Variants in HNRNPU observed in about 807,000 individuals in gnomAD.
HNRNPU encodes HNRNPU antisense RNA 1.
A neutral mutation model predicts 94.7 loss-of-function variants in HNRNPU; 5 were observed. The observed-to-expected ratio is 0.05, with a 90% CI of 0.03 to 0.11. The LOEUF is 0.11. Among genes scored for constraint, HNRNPU ranks in the 10% least tolerant of loss-of-function variants. HNRNPU has a pLI of 1.00. For synonymous variants in HNRNPU, 434 were observed against 381.6 expected, an observed-to-expected ratio of 1.14 and a Z score of -1.60; for missense variants, 710 against 1,049.2, an observed-to-expected ratio of 0.68 and a Z score of 4.47.
At chr1:244,855,267 G>T in intron 12 of HNRNPU, 157 bp downstream of exon 12, 1 of 804,316 alleles carries the variant, frequency 1.2e-6, no homozygotes, top group Non-Finnish European at 2.0e-6. Context: ...AAACTCAAAA[G>T]TAAGTAGACT....
intron 8 of HNRNPU, 156 bp downstream of exon 8, chr1:244,857,442 T>C (rs1680709519): frequency 1.4e-6 from 1 of 717,260 alleles, no homozygotes; most frequent in South Asian, 2.0e-5. Flanking sequence ...GAACGGGGCT[T>C]CGCCATGTTG....
intron 3 of HNRNPU, 94 bp from the exon 4 acceptor site, chr1:244,860,568 C>T: frequency 1.1e-6 from 1 of 913,402 alleles, no homozygotes; most frequent in Non-Finnish European, 1.7e-6. Context: ...TTTGCATGTA[C>T]TTCTTAATGC....
chr1:244,854,707 GTTAGT>G (rs1330637827), intron 13 of HNRNPU: 1 of 551,150 alleles, frequency 1.8e-6, no homozygotes, highest in Non-Finnish European at 3.2e-6. Context: ...TCATGACTTT[GTTAGT>G]TTACACAATT....
Position 244,862,625 on chromosome 1 carries a change from T to C in HNRNPU, c.797A>G (p.Tyr266Cys). 6.2e-7 allele frequency: 1 copy of C among 1,612,568 alleles called. No homozygotes were observed. Among genetic ancestry groups the C allele is most frequent in the Non-Finnish European group, 8.5e-7 (1 of 1,178,566 alleles). ...GYFEYIEENKYSRAKSPQPPV... is the reference protein window; with the variant it reads ...GYFEYIEENKCSRAKSPQPPV... ...CTAGGTGAGCATCCTATACCTGCTATACTTGTTCTCTTCAATGTACTCAAA... is the reference window on the plus strand; with the variant it reads ...CTAGGTGAGCATCCTATACCTGCTACACTTGTTCTCTTCAATGTACTCAAA... Residue 266 changes from tyrosine (Y) to cysteine (C), a missense_variant, in exon 2 of 14, where the codon TAT becomes TGT. Around this residue, in one of 8 missense-constraint regions of HNRNPU, gnomAD observed 13 missense variants for 45.3 expected, o/e 0.29. Transcript: ENST00000640218.
chr1:244,857,637 A>G lies in HNRNPU; in HGVS notation c.1575T>C (p.Tyr525=), dbSNP rs112266429. ...TKHAAENPGK[Y]NILGTNTIMD... The stretch of plus-strand genomic sequence containing the variant: ...TAATAGTATTTGTGCCAAGAATGTT[A>G]TATTTCCCTGGATTTTCTGCTGCAT... Residue 525 remains tyrosine, a synonymous_variant, in exon 8 of 14, where the codon TAT becomes TAC. Transcript: ENST00000640218. 1.4e-5 allele frequency: 23 copies of G among 1,613,460 alleles called. No individual in the cohort carries two copies. The highest frequency in any genetic ancestry group is 4.0e-5 in the African/African-American group (3 of 74,906).
intron 3 of HNRNPU, chr1:244,861,897 C>T (rs2102988984): frequency 6.5e-6 from 1 of 152,708 alleles, no homozygotes; most frequent in East Asian, 1.9e-4. Context: ...AAGCTAGTGG[C>T]CCAGTGATAG....
At chr1:244,861,633 G>A (rs1445026576) in intron 3 of HNRNPU, 1 of 151,836 alleles carries the variant, frequency 6.6e-6, no homozygotes, top group Admixed American at 6.6e-5. Context: ...AACACAGCAG[G>A]CTGACACCAT....
In HNRNPU at chr1:244,863,790, G is replaced by A; in HGVS notation, c.518C>T (p.Pro173Leu). The A allele has an allele frequency of 6.2e-7, 1 of 1,606,268 alleles. No individual in the cohort carries two copies. Among genetic ancestry groups the A allele is most frequent in the Non-Finnish European group, 8.5e-7 (1 of 1,177,680 alleles). Residue 173 changes from proline to leucine, a missense_variant, in exon 1 of 14, where the codon CCC (proline) becomes CTC (leucine). Physicochemically the swap from Pro to Leu is moderately conservative, Grantham distance 98 (BLOSUM62 -3). Around this residue, in one of 8 missense-constraint regions of HNRNPU, gnomAD observed 292 missense variants for 293.4 expected, o/e 1.00. Coordinates refer to ENST00000640218, the MANE Select transcript of HNRNPU (RefSeq NM_031844.3). ...PQPPATQQQQ[P>L]QQQRGAAKEA... ...CTTGGCGGCCCCGCGCTGCTGTTGG[G>A]GCTGTTGCTGCTGCGTCGCCGGCGG... is the stretch of plus-strand genomic sequence containing the variant.
At chr1:244,857,217 G>T (rs192368106) in intron 8 of HNRNPU, 67 of 224,590 alleles carry the variant, frequency 3.0e-4, no homozygotes, top group African/African-American at 1.4e-3. Context: ...AGTTTACCTA[G>T]AATACCTCCC....
At chr1:244,857,928 A>C (rs1292393943) in intron 7 of HNRNPU, 83 bp downstream of exon 7, 1 of 1,382,034 alleles carries the variant, frequency 7.2e-7, no homozygotes, top group Non-Finnish European at 9.9e-7. Flanking sequence ...GAAACAGACT[A>C]ATCATCTAGT....
chr1:244,863,104 C>T lies in HNRNPU; in HGVS notation c.692-374G>A, dbSNP rs1201372192. 1.1e-4 allele frequency: 21 copies of T among 189,808 alleles called. No individual in the cohort carries two copies. The East Asian group carries it at 3.1e-3, about 28-fold the overall frequency. The allele number at this position is 189,808 out of a possible 1,614,324, so 11.8% of individuals were successfully genotyped here. A position where few individuals can be genotyped will look rare whatever the true frequency, so the allele number is the denominator to read the frequency against. On this transcript the variant is annotated intron_variant, in intron 1 of 13. Transcript: ENST00000640218. ...GCGGCCGCATTGTACTGATCTTCCG[C>T]CCCCCGCCCCGCCCCGCCCGGCTCC...
intron 1 of HNRNPU, among the ~76,000 whole-genome samples, 177 bp downstream of exon 1, chr1:244,863,440 G>GC (rs1680905425): frequency 1.4e-5 from 2 of 145,916 alleles, no homozygotes; most frequent in Admixed American, 1.4e-4. Context: ...GCACACACAC[G>GC]CCCCGAGCCC....
intron 2 of HNRNPU, 23 bp downstream of exon 2, chr1:244,862,596 A>T: frequency 6.2e-7 from 1 of 1,607,740 alleles, no homozygotes; most frequent in Non-Finnish European, 8.5e-7. Flanking sequence ...AGGGATGAGT[A>T]AAACTAGGTG....
Position 244,863,767 on chromosome 1 carries a change from T to C in HNRNPU, c.541A>G (p.Lys181Glu), listed in dbSNP as rs1680922737. The change falls in exon 1 of 14, where the codon AAG (lysine) becomes GAG (glutamate). Residue 181 changes from lysine (K) to glutamate (E), a missense_variant. Physicochemically the swap from Lys to Glu is moderately conservative, Grantham distance 56 (BLOSUM62 1). This residue lies in a region of HNRNPU where 292 missense variants were observed against 293.4 expected (regional missense o/e 1.00). Transcript: ENST00000640218. ...CCGCTGCTCTTCCCCGCGGCCTCCT[T>C]GGCGGCCCCGCGCTGCTGTTGGGGC... ...QQPQQQRGAA[K>E]EAAGKSSGPT... 2 of 1,590,344 alleles carry C rather than the reference T, an allele frequency of 1.3e-6. No individual in the cohort carries two copies. Among genetic ancestry groups the C allele is most frequent in the Non-Finnish European group, 1.7e-6 (2 of 1,171,324 alleles).
intron 3 of HNRNPU, chr1:244,861,470 G>C (rs903712813): frequency 1.3e-5 from 2 of 152,092 alleles, no homozygotes; most frequent in Admixed American, 1.3e-4. Context: ...TTCACCTGCA[G>C]TTTTTTCTTT....
At chr1:244,857,459 TG>T in intron 8 of HNRNPU, 138 bp downstream of exon 8, 1 of 819,330 alleles carries the variant, frequency 1.2e-6, no homozygotes, top group Non-Finnish European at 1.9e-6. Flanking sequence ...GTTGGCCAGG[TG>T]GGTCTCAAAC....
In HNRNPU at chr1:244,852,625, A is replaced by G. The variant is rs1317754066; in HGVS notation, c.*1825T>C. On this transcript the variant is annotated 3_prime_UTR_variant, in exon 14 of 14. Coordinates refer to ENST00000640218, the MANE Select transcript of HNRNPU (RefSeq NM_031844.3). ...CCATGACACTATCTTCAACTGTTAA[A>G]TATCTTATGTTAACTAAGGATTTGC... 1.3e-5 allele frequency: 2 copies of G among 152,202 alleles called. No homozygotes were observed. The highest frequency in any genetic ancestry group is 4.8e-5 in the African/African-American group (2 of 41,452). 9.4% of individuals were successfully genotyped at this position (152,202 alleles called of 1,614,324 possible).
chr1:244,858,047 T>C lies in HNRNPU; in HGVS notation c.1458A>G (p.Arg486=), dbSNP rs748355426. ...TCTTCTCTTCAGGCCCCTTTGGTCC[T>C]CTAACTCGATCCTCTAAGGGGACGT... ...IQNVPLEDRV[R]GPKGPEEKKD... The change falls in exon 7 of 14, where the codon AGA becomes AGG. Residue 486 remains arginine, a synonymous_variant. Coordinates refer to ENST00000640218, the MANE Select transcript of HNRNPU (RefSeq NM_031844.3). 4.3e-6 allele frequency: 7 copies of C among 1,613,912 alleles called. No individual in the cohort carries two copies. The highest frequency in any genetic ancestry group is 2.7e-5 in the African/African-American group (2 of 74,908).
rs780245063 is a variant in HNRNPU, at chr1:244,853,497, G to C, written c.*953C>G. The C allele has an allele frequency of 6.6e-6, 1 of 152,480 alleles. No individual in the cohort carries two copies. The highest frequency in any genetic ancestry group is 2.4e-5 in the African/African-American group (1 of 41,416). 9.4% of individuals were successfully genotyped at this position (152,480 alleles called of 1,614,324 possible). A position where few individuals can be genotyped will look rare whatever the true frequency, so the allele number is the denominator to read the frequency against. Reference sequence around the variant, plus strand: ...CTAAGGAGATACCCATTCAAGAACTGACATGATTAAAAATTAAGATATAAA... The same window carrying C: ...CTAAGGAGATACCCATTCAAGAACTCACATGATTAAAAATTAAGATATAAA... On this transcript the variant is annotated 3_prime_UTR_variant, in exon 14 of 14. Coordinates refer to ENST00000640218, the MANE Select transcript of HNRNPU (RefSeq NM_031844.3).
Sources: allele counts gnomAD v4.1 joint callset (sites outside exome capture counted in the v4.1 genomes callset), GRCh38; gene constraint gnomAD v4.1.1; regional missense constraint gnomAD v4.1.1; transcripts MANE v1.5; gene names NCBI Gene and HGNC (gene_info 2026-07-23, HGNC 2026-07-21).